GRM7: variants seen among roughly 807,000 people sequenced by gnomAD.
GRM7 encodes the protein glutamate metabotropic receptor 7, also known as metabotropic glutamate receptor 7.
In GRM7, 35 loss-of-function variants were observed where a neutral mutation model predicts 84.5. The ratio of observed to expected loss-of-function variants is 0.41; its 90% CI spans 0.32 to 0.55. GRM7 has a LOEUF of 0.55. Among genes scored for constraint, GRM7 ranks in the 20% least tolerant of loss-of-function variants. GRM7 has a pLI of 0.19. For missense variants in GRM7, 1,003 were observed against 1,194.6 expected (o/e 0.84, Z 2.36); for synonymous variants, 487 against 455.1 (o/e 1.07, Z -0.89).
chr3:7,091,229 AAAG>A (rs1408799490), intron 1 of GRM7, among the ~76,000 whole-genome samples: 1 of 151,994 alleles, frequency 6.6e-6, no homozygotes, highest in Admixed American at 6.6e-5. Flanking sequence ...AAAAAAGAAA[AAAG>A]AAAAATTATA....
At chr3:7,263,977 G>T (rs1227306662) in intron 2 of GRM7, among the ~76,000 whole-genome samples, 2 of 152,114 alleles carry the variant, frequency 1.3e-5, no homozygotes, top group East Asian at 3.9e-4. Flanking sequence ...TATGAGAGAG[G>T]CTGCATTGTG....
At chr3:6,977,006 T>G (rs746826349) in intron 1 of GRM7, among the ~76,000 whole-genome samples, 5 of 152,248 alleles carry the variant, frequency 3.3e-5, no homozygotes, top group Admixed American at 3.3e-4. Context: ...TATGAAGTGA[T>G]CAGAATTGAT....
intron 2 of GRM7, among the ~76,000 whole-genome samples, chr3:7,176,626 T>C (rs1188482229): frequency 6.6e-6 from 1 of 152,176 alleles, no homozygotes; most frequent in Non-Finnish European, 1.5e-5. Context: ...GTAAGCTAAG[T>C]AGTTGAATTT....
chr3:7,322,466 T>A (rs951662399), intron 4 of GRM7, among the ~76,000 whole-genome samples: 1 of 151,972 alleles, frequency 6.6e-6, no homozygotes, highest in Non-Finnish European at 1.5e-5. Flanking sequence ...GGATACGTTC[T>A]TTAGTGGTGA....
At chr3:7,455,716 G>A (rs779726) in intron 6 of GRM7, among the ~76,000 whole-genome samples, 69,275 of 151,928 alleles carry the variant, frequency 0.46, 16,285 homozygotes, top group South Asian at 0.63. Flanking sequence ...AAGTACTACT[G>A]TCAAATGTAA....
At chr3:7,322,912 T>A (rs974335774) in intron 4 of GRM7, among the ~76,000 whole-genome samples, 3 of 152,110 alleles carry the variant, frequency 2.0e-5, no homozygotes, top group African/African-American at 7.2e-5. Flanking sequence ...GTACCTTTTG[T>A]AATGGCATCA....
At chr3:6,901,325 C>A (rs899970223) in intron 1 of GRM7, among the ~76,000 whole-genome samples, 1 of 152,078 alleles carries the variant, frequency 6.6e-6, no homozygotes, top group Non-Finnish European at 1.5e-5. Context: ...GTAGGCTGGG[C>A]GCAGTGGCTC....
intron 1 of GRM7, among the ~76,000 whole-genome samples, chr3:7,054,000 A>G (rs954354707): frequency 6.6e-6 from 1 of 151,030 alleles, no homozygotes; most frequent in Non-Finnish European, 1.5e-5. Context: ...TAATTTTATC[A>G]ATATTTTGTA....
chr3:7,469,836 A>G (rs1698624208), intron 7 of GRM7, among the ~76,000 whole-genome samples: 1 of 152,230 alleles, frequency 6.6e-6, no homozygotes, highest in African/African-American at 2.4e-5. Context: ...TTGTAAATCA[A>G]AATTAAGTAC....
chr3:6,882,683 T>G (rs1237585037), intron 1 of GRM7, among the ~76,000 whole-genome samples: 3 of 152,236 alleles, frequency 2.0e-5, no homozygotes, highest in East Asian at 3.8e-4. Flanking sequence ...TATAATACTT[T>G]TAATTATTAG....
chr3:6,862,052 C>A lies in GRM7; in HGVS notation c.519+145C>A, dbSNP rs1304272448. The A allele has an allele frequency of 1.5e-6, 1 of 654,222 alleles. No individual in the cohort carries two copies. Among genetic ancestry groups the A allele is most frequent in the South Asian group, 1.9e-5 (1 of 51,520 alleles). The allele number at this position is 654,222 out of a possible 1,614,324, so 40.5% of individuals were successfully genotyped here. On this transcript the variant is annotated intron_variant, in intron 1 of 9. Coordinates refer to ENST00000357716, the MANE Select transcript of GRM7 (RefSeq NM_000844.4). The surrounding 1 kb of genome is among the most constrained non-coding windows in gnomAD (Gnocchi z 5.2). ...AGATCCTGCCGAATCCCTCCCACCCCGCTCGAGGAGATACCTTCCCTGCTT... is the reference window on the plus strand; with the variant it reads ...AGATCCTGCCGAATCCCTCCCACCCAGCTCGAGGAGATACCTTCCCTGCTT...
chr3:7,681,730 G>A (rs1429855920), intron 9 of GRM7: 1 of 152,148 alleles, frequency 6.6e-6, no homozygotes, highest in Non-Finnish European at 1.5e-5. Flanking sequence ...GAGGCTTTGG[G>A]TTGAGACATA....
At chr3:7,325,046 A>C in intron 4 of GRM7, among the ~76,000 whole-genome samples, 1 of 152,198 alleles carries the variant, frequency 6.6e-6, no homozygotes, top group Non-Finnish European at 1.5e-5. Flanking sequence ...TTCAGTCGCC[A>C]GGATGGGAGA....
intron 8 of GRM7, among the ~76,000 whole-genome samples, chr3:7,631,792 G>A (rs1697870682): frequency 6.6e-6 from 1 of 152,018 alleles, no homozygotes; most frequent in East Asian, 1.9e-4. Context: ...GTTCCCCAGG[G>A]TGAGAATAGG....
At chr3:7,380,479 C>T (rs1241736894) in intron 4 of GRM7, among the ~76,000 whole-genome samples, 3 of 152,170 alleles carry the variant, frequency 2.0e-5, no homozygotes, top group Non-Finnish European at 4.4e-5. Context: ...TGAATGAGTG[C>T]ATCATTGGTT....
At position 7,566,794 on chromosome 3, in the gene GRM7, T is replaced by G. The variant is rs146134024; in HGVS notation, c.1516-11628T>G. Reference sequence around the variant, plus strand: ...ATTTCCCGTAAGGCTGTCCCGATTCTTCCAGGGGGAAAAAAAAAATGGTTC... The same window carrying G: ...ATTTCCCGTAAGGCTGTCCCGATTCGTCCAGGGGGAAAAAAAAAATGGTTC... On this transcript the variant is annotated intron_variant, in intron 7 of 9. Transcript: ENST00000357716. 1.3e-4 allele frequency among the ~76,000 whole-genome samples: 20 copies of G among 152,296 alleles called. No individual in the cohort carries two copies. In the East Asian group the frequency reaches 3.7e-3, roughly 28 times the overall value.
intron 2 of GRM7, among the ~76,000 whole-genome samples, chr3:7,263,141 A>G (rs1698500629): frequency 6.6e-6 from 1 of 152,156 alleles, no homozygotes; most frequent in South Asian, 2.1e-4. Context: ...TAGTTGTGGT[A>G]TAAGGTGGAT....
chr3:7,456,488 G>A (rs1698017089), intron 6 of GRM7, among the ~76,000 whole-genome samples: 1 of 147,346 alleles, frequency 6.8e-6, no homozygotes, highest in Non-Finnish European at 1.5e-5. Context: ...GATTCATGGG[G>A]AATTTAAGAA....
intron 2 of GRM7, among the ~76,000 whole-genome samples, chr3:7,211,733 C>A: frequency 6.6e-6 from 1 of 150,434 alleles, no homozygotes; most frequent in African/African-American, 2.5e-5. Flanking sequence ...AAGGCAAGTA[C>A]CAGAAGAAAT....
Sources: allele counts gnomAD v4.1 joint callset (sites outside exome capture counted in the v4.1 genomes callset), GRCh38; gene constraint gnomAD v4.1.1; non-coding constraint Gnocchi (gnomAD v3.1); transcripts MANE v1.5; gene names NCBI Gene and HGNC (gene_info 2026-07-23, HGNC 2026-07-21).